CCSER1: variants seen among roughly 807,000 people sequenced by gnomAD.
CCSER1 encodes serine-rich coiled-coil domain-containing protein 1.
A neutral mutation model predicts 82.0 loss-of-function variants in CCSER1; 41 were observed. The ratio of observed to expected loss-of-function variants is 0.50; its 90% CI spans 0.39 to 0.65. CCSER1 has a LOEUF of 0.65. Ranked by LOEUF, CCSER1 falls within the 30% of genes least tolerant of loss-of-function variation. The pLI, the probability that CCSER1 is intolerant of heterozygous loss-of-function variation, is 0.00. For missense variants in CCSER1, 1,119 were observed against 1,064.2 expected (o/e 1.05, Z -0.72); for synonymous variants, 414 against 383.9 (o/e 1.08, Z -0.92).
intron 6 of CCSER1, among the ~76,000 whole-genome samples, chr4:90,684,504 T>C (rs1734455213): frequency 1.3e-5 from 2 of 152,224 alleles, no homozygotes; most frequent in African/African-American, 4.8e-5. Context: ...ATTTACACTT[T>C]ATGCTTTAAA....
intron 10 of CCSER1, among the ~76,000 whole-genome samples, chr4:91,499,152 ATATTT>A (rs1349749183): frequency 6.6e-6 from 1 of 151,954 alleles, no homozygotes; most frequent in African/African-American, 2.4e-5. Context: ...ATTTCAAGAT[ATATTT>A]TATTTAATTT....
At chr4:90,414,521 A>T (rs1217916346) in intron 4 of CCSER1, among the ~76,000 whole-genome samples, 1 of 152,108 alleles carries the variant, frequency 6.6e-6, no homozygotes, top group African/African-American at 2.4e-5. Context: ...TTATGTTAGA[A>T]AATATGAGAT....
intron 10 of CCSER1, among the ~76,000 whole-genome samples, chr4:91,101,572 T>A (rs1581555975): frequency 6.6e-6 from 1 of 151,028 alleles, no homozygotes; most frequent in African/African-American, 2.4e-5. Context: ...GAGGCGGAGG[T>A]TGCAGTGAGC....
chr4:91,019,659 A>C (rs555536755), intron 9 of CCSER1, among the ~76,000 whole-genome samples: 1 of 152,264 alleles, frequency 6.6e-6, no homozygotes, highest in Non-Finnish European at 1.5e-5. Flanking sequence ...TGGAGACAGG[A>C]ATCAATAATG....
At chr4:90,442,763 A>G (rs1017332122) in intron 4 of CCSER1, among the ~76,000 whole-genome samples, 20 of 152,220 alleles carry the variant, frequency 1.3e-4, no homozygotes, top group Non-Finnish European at 2.4e-4. Flanking sequence ...AATATTTAAC[A>G]TATCTTTCCA....
chr4:90,297,853 C>G (rs1253143550), intron 1 of CCSER1, among the ~76,000 whole-genome samples: 1 of 152,050 alleles, frequency 6.6e-6, no homozygotes, highest in African/African-American at 2.4e-5. Flanking sequence ...CCCACTTGAT[C>G]ATGGTGGATA....
intron 5 of CCSER1, among the ~76,000 whole-genome samples, chr4:90,576,904 G>C (rs11943572): frequency 6.6e-6 from 1 of 152,094 alleles, no homozygotes; most frequent in Non-Finnish European, 1.5e-5. Context: ...GCAATTGCTA[G>C]ATCATATAGT....
chr4:90,889,397 T>C (rs1433805314), intron 8 of CCSER1, among the ~76,000 whole-genome samples: 22 of 152,164 alleles, frequency 1.4e-4, no homozygotes, highest in Admixed American at 1.4e-3. Flanking sequence ...CCCACGCAAG[T>C]TAAGTAATAT....
chr4:90,967,980 C>T (rs200475706), intron 9 of CCSER1, among the ~76,000 whole-genome samples: 5 of 151,888 alleles, frequency 3.3e-5, no homozygotes, highest in African/African-American at 9.7e-5. Context: ...CAAGAGAGAC[C>T]CTCTTAATCC....
chr4:91,285,840 G>A (rs1385757092), intron 10 of CCSER1, among the ~76,000 whole-genome samples: 1 of 151,728 alleles, frequency 6.6e-6, no homozygotes, highest in African/African-American at 2.4e-5. Context: ...TTATGTAGAA[G>A]GAATGAATGC....
intron 10 of CCSER1, among the ~76,000 whole-genome samples, chr4:91,266,301 G>A (rs1741573407): frequency 6.6e-6 from 1 of 151,844 alleles, no homozygotes; most frequent in Non-Finnish European, 1.5e-5. Flanking sequence ...GGCCCAGGCT[G>A]GTGTGCAGTG....
At chr4:90,395,845 G>A (rs552001492) in intron 3 of CCSER1, among the ~76,000 whole-genome samples, 4 of 151,434 alleles carry the variant, frequency 2.6e-5, no homozygotes, top group African/African-American at 9.7e-5. Flanking sequence ...AGGCCAAAGC[G>A]GCAGACATGA....
chr4:90,196,081 T>C (rs1736538631), intron 1 of CCSER1, among the ~76,000 whole-genome samples: 4 of 151,668 alleles, frequency 2.6e-5, no homozygotes, highest in Admixed American at 6.6e-5. Flanking sequence ...AACAATCCTA[T>C]TTCCACTTTC....
At chr4:90,803,925 C>T (rs1047284951) in intron 7 of CCSER1, among the ~76,000 whole-genome samples, 1 of 152,178 alleles carries the variant, frequency 6.6e-6, no homozygotes, top group Non-Finnish European at 1.5e-5. Context: ...GAGATGGTGT[C>T]TCATTGTGGT....
chr4:91,167,007 G>A (rs1732151442), intron 10 of CCSER1, among the ~76,000 whole-genome samples: 1 of 152,034 alleles, frequency 6.6e-6, no homozygotes, highest in South Asian at 2.1e-4. Flanking sequence ...AAGAATACTT[G>A]TATGGTATGT....
At chr4:90,483,995 C>T (rs561332236) in intron 5 of CCSER1, among the ~76,000 whole-genome samples, 70 of 152,340 alleles carry the variant, frequency 4.6e-4, no homozygotes, top group African/African-American at 1.5e-3. Context: ...TTCTCCCCAT[C>T]ACTTTCAGGT....
chr4:90,658,163 T>G (rs972753267), intron 6 of CCSER1, among the ~76,000 whole-genome samples: 5 of 151,930 alleles, frequency 3.3e-5, no homozygotes, highest in African/African-American at 1.2e-4. Flanking sequence ...TGGTTCTGTT[T>G]ATATTTTCTG....
intron 4 of CCSER1, among the ~76,000 whole-genome samples, chr4:90,435,326 G>T (rs1318014595): frequency 6.6e-6 from 1 of 151,744 alleles, no homozygotes; most frequent in Admixed American, 6.6e-5. Flanking sequence ...TTGATATTGG[G>T]CCATTCAATT....
intron 4 of CCSER1, among the ~76,000 whole-genome samples, chr4:90,411,136 C>A (rs1269867946): frequency 2.6e-5 from 4 of 152,084 alleles, no homozygotes; most frequent in Admixed American, 2.6e-4. Context: ...TAATTAATAG[C>A]CTACCAACCA....
Sources: gnomAD v4.1 joint callset for allele counts (sites outside exome capture counted in the v4.1 genomes callset) on GRCh38, gnomAD v4.1.1 for gene constraint, MANE v1.5 for transcripts, NCBI Gene and HGNC (gene_info 2026-07-23, HGNC 2026-07-21) for gene names.